Variants in COPG2 observed in about 807,000 individuals in gnomAD.
The protein encoded by COPG2 is coat protein complex I subunit gamma 2, also known as coatomer subunit gamma-2.
Under a neutral mutation model 46.3 loss-of-function variants are expected in COPG2, and 37 were observed. The ratio of observed to expected loss-of-function variants is 0.80; its 90% CI spans 0.61 to 1.05. The LOEUF is 1.05. Among genes scored for constraint, COPG2 ranks in the 50% least tolerant of loss-of-function variants. The pLI is 0.00. For synonymous variants in COPG2, 159 were observed against 129.7 expected (o/e 1.23, Z -1.53); for missense variants, 427 against 387.8 (o/e 1.10, Z -0.85).
intron 9 of COPG2, among the ~76,000 whole-genome samples, chr7:130,609,498 C>T (rs537708557): frequency 6.6e-6 from 1 of 152,320 alleles, no homozygotes; most frequent in South Asian, 2.1e-4. Flanking sequence ...GTCCATTAAA[C>T]TTCTTCCTTT....
At chr7:130,582,821 T>C (rs1278202460) in intron 9 of COPG2, among the ~76,000 whole-genome samples, 10 of 151,886 alleles carry the variant, frequency 6.6e-5, no homozygotes, top group African/African-American at 2.4e-4. Flanking sequence ...ACAGTTAGAA[T>C]GGCAATCATT....
intron 4 of COPG2, among the ~76,000 whole-genome samples, chr7:130,655,046 C>A (rs1359920423): frequency 6.6e-6 from 1 of 152,082 alleles, no homozygotes; most frequent in East Asian, 1.9e-4. Context: ...TTAATGACAT[C>A]ATCTGCTCAT....
intron 5 of COPG2, among the ~76,000 whole-genome samples, chr7:130,643,882 T>C (rs1795541015): frequency 6.6e-6 from 1 of 152,094 alleles, no homozygotes; most frequent in African/African-American, 2.4e-5. Flanking sequence ...GGTGGGAGGA[T>C]AACTTGAGCC....
chr7:130,546,330 T>C (rs1400384263), intron 20 of COPG2, among the ~76,000 whole-genome samples: 17 of 152,294 alleles, frequency 1.1e-4, no homozygotes, highest in African/African-American at 3.4e-4. Context: ...GCTTAATTAC[T>C]GGCTAGTGGA....
At chr7:130,616,797 G>T (rs1554452894) in intron 6 of COPG2, among the ~76,000 whole-genome samples, 193 bp downstream of exon 6, 1 of 152,046 alleles carries the variant, frequency 6.6e-6, no homozygotes, top group Non-Finnish European at 1.5e-5. Context: ...GAGAGAAAAT[G>T]GACTAACATA....
chr7:130,563,408 C>T (rs1793749884), intron 10 of COPG2, 72 bp from the exon 11 acceptor site: 2 of 389,298 alleles, frequency 5.1e-6, no homozygotes, highest in African/African-American at 2.1e-5. Flanking sequence ...ATACTCCTGG[C>T]TTAAGAGAAC....
At chr7:130,589,682 C>G (rs1554448541) in intron 9 of COPG2, among the ~76,000 whole-genome samples, 1 of 152,124 alleles carries the variant, frequency 6.6e-6, no homozygotes, top group South Asian at 2.1e-4. Context: ...CATGTTCTAG[C>G]CAACACTAGA....
intron 9 of COPG2, among the ~76,000 whole-genome samples, chr7:130,577,767 C>CAAAAAAAAAAAA (rs782674348): frequency 5.0e-4 from 39 of 78,136 alleles, no homozygotes; most frequent in African/African-American, 8.6e-4. Flanking sequence ...GACTCCGTCT[C>CAAAAAAAAAAAA]AAAAAAAAAA....
At chr7:130,624,984 T>A (rs1795093442) in intron 5 of COPG2, among the ~76,000 whole-genome samples, 1 of 152,240 alleles carries the variant, frequency 6.6e-6, no homozygotes. Context: ...TTAAAGAATC[T>A]CTATACTGTT....
intron 5 of COPG2, among the ~76,000 whole-genome samples, chr7:130,649,225 G>C (rs1252994964): frequency 1.3e-5 from 2 of 152,188 alleles, no homozygotes; most frequent in African/African-American, 4.8e-5. Flanking sequence ...TCAGCAAAAG[G>C]TTGTGCAGTG....
intron 5 of COPG2, among the ~76,000 whole-genome samples, chr7:130,633,298 T>C (rs1554455478): frequency 6.6e-6 from 1 of 152,222 alleles, no homozygotes; most frequent in Non-Finnish European, 1.5e-5. Context: ...TTTCTGGTTC[T>C]AGATCCTTGA....
At chr7:130,616,723 GA>G (rs781867823) in intron 6 of COPG2, among the ~76,000 whole-genome samples, 29 of 152,168 alleles carry the variant, frequency 1.9e-4, no homozygotes, top group Non-Finnish European at 3.8e-4. Context: ...AGATAAATTT[GA>G]ATGGGTTTTT....
chr7:130,572,514 G>T (rs1793924347), intron 9 of COPG2, among the ~76,000 whole-genome samples: 1 of 152,130 alleles, frequency 6.6e-6, no homozygotes, highest in Non-Finnish European at 1.5e-5. Context: ...TACAAAGTAT[G>T]TTGTTCAACC....
At chr7:130,668,231 C>T (rs970666833) in intron 1 of COPG2, among the ~76,000 whole-genome samples, 18 of 152,124 alleles carry the variant, frequency 1.2e-4, no homozygotes, top group Non-Finnish European at 2.1e-4. Context: ...CACCCTGTGC[C>T]GTCGACCCCA....
At chr7:130,657,715 T>A (rs1487208414) in intron 4 of COPG2, among the ~76,000 whole-genome samples, 2 of 152,170 alleles carry the variant, frequency 1.3e-5, no homozygotes, top group Admixed American at 1.3e-4. Flanking sequence ...ATTTTTTTAA[T>A]GGGCAAAAGA....
chr7:130,507,417 C>A, intron 22 of COPG2, 45 bp from the exon 23 acceptor site: 1 of 778,876 alleles, frequency 1.3e-6, no homozygotes, highest in Admixed American at 1.7e-5. Flanking sequence ...AAGTAAAGCA[C>A]AGGGATCTCC....
chr7:130,655,879 A>C (rs957339968), intron 4 of COPG2, among the ~76,000 whole-genome samples: 6 of 152,232 alleles, frequency 3.9e-5, no homozygotes, highest in Non-Finnish European at 7.3e-5. Context: ...TCATGGCTGT[A>C]AACAAAACAG....
At chr7:130,554,127 T>G (rs1793578142) in intron 14 of COPG2, among the ~76,000 whole-genome samples, 1 of 152,148 alleles carries the variant, frequency 6.6e-6, no homozygotes. Context: ...TGGGAGAGAT[T>G]TGGATCTATT....
chr7:130,628,947 C>T (rs1426639506), intron 5 of COPG2, among the ~76,000 whole-genome samples: 1 of 152,170 alleles, frequency 6.6e-6, no homozygotes, highest in Non-Finnish European at 1.5e-5. Flanking sequence ...ACTCAGGAGG[C>T]TGAGATAGGA....
Sources: allele counts gnomAD v4.1 joint callset (sites outside exome capture counted in the v4.1 genomes callset), GRCh38; gene constraint gnomAD v4.1.1; transcripts MANE v1.5; gene names NCBI Gene and HGNC (gene_info 2026-07-23, HGNC 2026-07-21).